The following RIN2 variants were observed in gnomAD, a reference collection of about 807,000 sequenced individuals.
The protein encoded by RIN2 is Ras and Rab interactor 2, also known as RAB5 interacting protein 2.
RIN2 carries 36 observed loss-of-function variants against 78.0 expected under a neutral mutation model. The ratio of observed to expected loss-of-function variants is 0.46; its 90% CI spans 0.35 to 0.61. The LOEUF is 0.61. Ranked by LOEUF, RIN2 falls within the 20% of genes least tolerant of loss-of-function variation. The pLI, the probability that RIN2 is intolerant of heterozygous loss-of-function variation, is 0.00. For missense variants in RIN2, 1,087 were observed against 1,159.7 expected, an observed-to-expected ratio of 0.94 and a Z score of 0.91; for synonymous variants, 466 against 466.8, an observed-to-expected ratio of 1.00 and a Z score of 0.02.
In RIN2 at chr20:20,002,096, C is replaced by T. The variant is rs1277993945; in HGVS notation, c.*1160C>T. 6.6e-6 allele frequency: 1 copy of T among 152,182 alleles called. No individual in the cohort carries two copies. The highest frequency in any genetic ancestry group is 6.6e-5 in the Admixed American group (1 of 15,266). 9.4% of individuals were successfully genotyped at this position (152,182 alleles called of 1,614,324 possible). A position where few individuals can be genotyped will look rare whatever the true frequency, so the allele number is the denominator to read the frequency against. ...GGCTTTTGTTGAGTTAAATAAGATG[C>T]TATATAATGGAGAAGAATTTGAAAA... On this transcript the variant is annotated 3_prime_UTR_variant, in exon 13 of 13. Coordinates refer to ENST00000255006, the MANE Select transcript of RIN2 (RefSeq NM_018993.4).
chr20:19,905,419 C>G (rs2039176406), intron 3 of RIN2, among the ~76,000 whole-genome samples: 2 of 152,174 alleles, frequency 1.3e-5, no homozygotes, highest in South Asian at 4.1e-4. Flanking sequence ...CAGCTGGCAT[C>G]TGTGCTTGAA....
chr20:19,817,349 G>A (rs2035796385), intron 2 of RIN2, among the ~76,000 whole-genome samples: 1 of 152,206 alleles, frequency 6.6e-6, no homozygotes, highest in East Asian at 1.9e-4. Context: ...GTTTCTAGCT[G>A]TGTCCTCACT....
rs1363536542 is a variant in RIN2 at position 20,002,406 on chromosome 20, A to G, written c.*1470A>G. ...TTTTAAATGGAATTTTGCACATAAT[A>G]CATTGTAATACTGTATGATAATCAT... On this transcript the variant is annotated 3_prime_UTR_variant, in exon 13 of 13. Transcript: ENST00000255006. 6.6e-6 allele frequency: 1 copy of G among 152,472 alleles called. No homozygotes were observed. The highest frequency in any genetic ancestry group is 1.5e-5 in the Non-Finnish European group (1 of 68,022). 9.4% of individuals were successfully genotyped at this position (152,472 alleles called of 1,614,324 possible). A position where few individuals can be genotyped will look rare whatever the true frequency, so the allele number is the denominator to read the frequency against.
chr20:19,958,434 G>A (rs1568662297), intron 5 of RIN2, among the ~76,000 whole-genome samples: 1 of 152,256 alleles, frequency 6.6e-6, no homozygotes, highest in African/African-American at 2.4e-5. Context: ...GTCCACTCTT[G>A]CTGAAACCTG....
At chr20:19,762,624 TGAA>T (rs1600388098) in intron 1 of RIN2, among the ~76,000 whole-genome samples, 1 of 151,870 alleles carries the variant, frequency 6.6e-6, no homozygotes, top group Non-Finnish European at 1.5e-5. Context: ...CAAGGGGAGT[TGAA>T]GAAGATGACT....
intron 4 of RIN2, among the ~76,000 whole-genome samples, chr20:19,940,341 C>T (rs1254959833): frequency 6.6e-6 from 1 of 152,188 alleles, no homozygotes; most frequent in Non-Finnish European, 1.5e-5. Flanking sequence ...ATTCTTGCCT[C>T]AGAGACCTCT....
intron 1 of RIN2, among the ~76,000 whole-genome samples, chr20:19,797,859 C>CTTTT (rs750371451): frequency 1.5e-4 from 19 of 128,096 alleles, no homozygotes; most frequent in African/African-American, 3.1e-4. Context: ...TCTACTTAAT[C>CTTTT]TTTTTTTTTT....
chr20:19,771,485 A>G (rs1904491811), intron 1 of RIN2, among the ~76,000 whole-genome samples: 1 of 152,112 alleles, frequency 6.6e-6, no homozygotes, highest in African/African-American at 2.4e-5. Context: ...CCCCTGCTGA[A>G]GCACACTTCC....
intron 2 of RIN2, among the ~76,000 whole-genome samples, chr20:19,827,231 C>T (rs1199811644): frequency 2.6e-5 from 4 of 152,134 alleles, no homozygotes; most frequent in Non-Finnish European, 1.5e-5. Context: ...CTGCCTCGGC[C>T]TCCCAAAGTG....
Position 19,919,561 on chromosome 20 carries a change from C to A in RIN2, c.58-15538C>A, listed in dbSNP as rs1289908429. ...GTGGCTCACACCATAATCCCCGTAC[C>A]TTGGGAGATCAAGGCGGGCAGATCA... On this transcript the variant is annotated intron_variant, in intron 3 of 12. Transcript: ENST00000255006. Among the ~76,000 whole-genome samples, 3 of 152,070 alleles carry A rather than the reference C, an allele frequency of 2.0e-5. No homozygotes were observed. The East Asian group carries it at 5.8e-4, about 29-fold the overall frequency.
chr20:19,801,815 G>C (rs182745084), intron 2 of RIN2, among the ~76,000 whole-genome samples: 1 of 152,318 alleles, frequency 6.6e-6, no homozygotes, highest in East Asian at 1.9e-4. Context: ...AATGATGACA[G>C]AGTAAGGAAG....
At chr20:19,911,291 G>A (rs562821448) in intron 3 of RIN2, among the ~76,000 whole-genome samples, 1 of 152,148 alleles carries the variant, frequency 6.6e-6, no homozygotes, top group South Asian at 2.1e-4. Context: ...GACCTCAGAT[G>A]ATCTGTGCGC....
intron 2 of RIN2, among the ~76,000 whole-genome samples, chr20:19,817,060 G>C (rs942033240): frequency 6.6e-6 from 1 of 152,166 alleles, no homozygotes; most frequent in African/African-American, 2.4e-5. Context: ...GAGCTGGGAT[G>C]GGGGTGGAGG....
At chr20:19,763,627 T>C (rs1040273389) in intron 1 of RIN2, among the ~76,000 whole-genome samples, 31 of 152,200 alleles carry the variant, frequency 2.0e-4, no homozygotes, top group African/African-American at 7.5e-4. Context: ...AACACAGTCA[T>C]TTTGTGAAAG....
chr20:19,853,103 A>G (rs574263542), intron 2 of RIN2, among the ~76,000 whole-genome samples: 2 of 138,552 alleles, frequency 1.4e-5, no homozygotes, highest in South Asian at 2.3e-4. Flanking sequence ...TCATTGTTCA[A>G]TTCCCACCTA....
chr20:19,916,148 G>C (rs1025406805), intron 3 of RIN2, among the ~76,000 whole-genome samples: 1 of 152,232 alleles, frequency 6.6e-6, no homozygotes, highest in Admixed American at 6.5e-5. Context: ...GCTGAGGCAG[G>C]AGAATCGCTT....
At chr20:19,916,812 T>C (rs1474023738) in intron 3 of RIN2, among the ~76,000 whole-genome samples, 1 of 152,198 alleles carries the variant, frequency 6.6e-6, no homozygotes. Flanking sequence ...GTTCGAGCAG[T>C]AGTGTTTGTA....
At chr20:19,844,648 CTT>C (rs1453574047) in intron 2 of RIN2, among the ~76,000 whole-genome samples, 16 of 106,794 alleles carry the variant, frequency 1.5e-4, no homozygotes, top group Admixed American at 3.9e-4. Context: ...TCTTCTTCTT[CTT>C]CTTCTTCTTC....
chr20:19,891,939 GT>G (rs1319911538), intron 3 of RIN2, among the ~76,000 whole-genome samples: 1 of 152,240 alleles, frequency 6.6e-6, no homozygotes, highest in Non-Finnish European at 1.5e-5. Context: ...ATTGTAGCCA[GT>G]TTTTCCTGCA....
Sources: gnomAD v4.1 joint callset for allele counts (sites outside exome capture counted in the v4.1 genomes callset) on GRCh38, gnomAD v4.1.1 for gene constraint, MANE v1.5 for transcripts, NCBI Gene and HGNC (gene_info 2026-07-23, HGNC 2026-07-21) for gene names.